SIRPG: variants seen among roughly 807,000 people sequenced by gnomAD.
The protein encoded by SIRPG is signal regulatory protein gamma, also known as signal-regulatory protein gamma.
Under a neutral mutation model 35.7 loss-of-function variants are expected in SIRPG, and 38 were observed. The ratio of observed to expected loss-of-function variants is 1.06; its 90% confidence interval spans 0.82 to 1.40. The LOEUF is 1.40. Ranked by LOEUF, SIRPG falls within the 40% of genes most tolerant of loss-of-function variation. The probability of loss-of-function intolerance (pLI) is 0.00; values close to 1 mark genes in which losing one functional copy is unlikely to be tolerated. For missense variants in SIRPG, 519 were observed against 483.0 expected, an observed-to-expected ratio of 1.07 and a Z score of -0.70; for synonymous variants, 215 against 190.4, an observed-to-expected ratio of 1.13 and a Z score of -1.06.
At position 1,630,283 on chromosome 20, in the gene SIRPG, G is replaced by A. The variant is rs1470078488; in HGVS notation, c.1105C>T (p.Leu369=). ...CCCAGGAGGACAGCTATGAGGAGCA[G>A]CGCAGTAAGGGATGATGCCGGGCCT... ...TPGPASSLTA[L]LLIAVLLGPI... The change falls in exon 5 of 6, where the codon CTG becomes TTG. Residue 369 remains leucine, a synonymous_variant. Coordinates refer to ENST00000303415, the MANE Select transcript of SIRPG (RefSeq NM_018556.4). 6 of 1,570,340 alleles carry A rather than the reference G, an allele frequency of 3.8e-6. No homozygotes were observed. The highest frequency in any genetic ancestry group is 1.3e-5 in the African/African-American group (1 of 74,184).
rs377562432 is a variant in SIRPG, at chr20:1,634,488, T to A, written c.1081+779A>T. ...TCCCAAAGTGCTGGGATTACAGGCGTGAGCCGCCAGGCCTGGTACAGTTTT... is the reference window on the plus strand; with the variant it reads ...TCCCAAAGTGCTGGGATTACAGGCGAGAGCCGCCAGGCCTGGTACAGTTTT... On this transcript the variant is annotated intron_variant, in intron 4 of 5. Transcript: ENST00000303415. Among the ~76,000 whole-genome samples the A allele has an allele frequency of 7.3e-5, 11 of 151,278 alleles. No homozygotes were observed. In the East Asian group the frequency reaches 7.9e-4, roughly 11 times the overall value.
In SIRPG at chr20:1,636,310, C is replaced by A; in HGVS notation, c.626G>T (p.Ser209Ile). ...GGGGTCCAGTACCACCCTGGCTGTG[C>A]TGCGGATGCTGTAGGCCACACTCTG... ...TGQSVAYSIR[S>I]TARVVLDPWD... Residue 209 changes from serine (S) to isoleucine (I), a missense_variant, in exon 3 of 6, where the codon AGC (serine) becomes ATC (isoleucine). Transcript: ENST00000303415. 1 of 1,614,226 alleles carries A rather than the reference C, an allele frequency of 6.2e-7. No homozygotes were observed. The highest frequency in any genetic ancestry group is 1.6e-4 in the Middle Eastern group (1 of 6,062).
intron 4 of SIRPG, among the ~76,000 whole-genome samples, chr20:1,631,866 G>C (rs548263060): frequency 6.6e-6 from 1 of 152,204 alleles, no homozygotes; most frequent in African/African-American, 2.4e-5. Flanking sequence ...GCTATCACTG[G>C]GCATATTTTT....
intron 4 of SIRPG, among the ~76,000 whole-genome samples, chr20:1,631,781 G>C (rs1203997877): frequency 2.0e-5 from 3 of 152,182 alleles, no homozygotes; most frequent in East Asian, 1.9e-4. Flanking sequence ...CGTAACCACA[G>C]GCAGGAAATT....
chr20:1,634,792 C>T lies in SIRPG; in HGVS notation c.1081+475G>A, dbSNP rs556286545. Among the ~76,000 whole-genome samples the T allele has an allele frequency of 1.6e-3, 240 of 151,994 alleles. 2 individuals carry two copies. The highest frequency in any genetic ancestry group is 9.4e-3 in the South Asian group (45 of 4,810). ...GGCGCGGTGGCTCACGCCTGTAATC[C>T]CAGCACTTTGGGAGGCTGAGGCGGG... On this transcript the variant is annotated intron_variant, in intron 4 of 5. Coordinates refer to ENST00000303415, the MANE Select transcript of SIRPG (RefSeq NM_018556.4).
chr20:1,668,183 CTTTCT>C, the SIRPG span, among the ~76,000 whole-genome samples: 44 of 54,024 alleles, frequency 8.1e-4, 1 homozygote, highest in African/African-American at 2.5e-3. Flanking sequence ...TTCTTTCTTT[CTTTCT>C]TTTTCTTTTC....
At chr20:1,634,212 T>G (rs1349057783) in intron 4 of SIRPG, among the ~76,000 whole-genome samples, 1 of 136,450 alleles carries the variant, frequency 7.3e-6, no homozygotes, top group African/African-American at 2.6e-5. Context: ...TGGTACAGTT[T>G]TTTTTTTTTT....
chr20:1,679,571 C>A, the SIRPG span, among the ~76,000 whole-genome samples: 2 of 152,074 alleles, frequency 1.3e-5, no homozygotes. Flanking sequence ...AAGCTCCTTC[C>A]ATATGGCTTC....
chr20:1,634,383 A>G (rs1199104726), intron 4 of SIRPG, among the ~76,000 whole-genome samples: 4 of 151,096 alleles, frequency 2.6e-5, no homozygotes, highest in African/African-American at 9.8e-5. Flanking sequence ...ATTTTTTTGT[A>G]TTTTTAGTAG....
At chr20:1,658,368 T>C (rs1213777297), upstream of SIRPG, among the ~76,000 whole-genome samples, 1 of 152,178 alleles carries the variant, frequency 6.6e-6, no homozygotes, top group Non-Finnish European at 1.5e-5. Context: ...GGGTTTGAGG[T>C]AATAAGCAAC....
chr20:1,672,225 A>G, the SIRPG span, among the ~76,000 whole-genome samples: 1 of 152,212 alleles, frequency 6.6e-6, no homozygotes, highest in African/African-American at 2.4e-5. Context: ...GATCAAACAC[A>G]GAGGATGCTT....
the SIRPG span, among the ~76,000 whole-genome samples, chr20:1,663,572 T>C: frequency 6.6e-6 from 1 of 152,236 alleles, no homozygotes; most frequent in African/African-American, 2.4e-5. Context: ...ACATTGGGAG[T>C]ATTTACACTA....
intron 1 of SIRPG, among the ~76,000 whole-genome samples, chr20:1,656,815 C>T (rs188126795): frequency 1.6e-3 from 246 of 152,280 alleles, no homozygotes; most frequent in Non-Finnish European, 3.2e-3. Flanking sequence ...CAATCCCCAG[C>T]GCCTTAGAAT....
At chr20:1,652,487 G>T (rs946636066) in intron 1 of SIRPG, among the ~76,000 whole-genome samples, 1 of 152,128 alleles carries the variant, frequency 6.6e-6, no homozygotes, top group Admixed American at 6.5e-5. Context: ...CATGTAAGAA[G>T]GATTATAAAC....
At chr20:1,652,502 A>C (rs1363167050) in intron 1 of SIRPG, among the ~76,000 whole-genome samples, 1 of 152,224 alleles carries the variant, frequency 6.6e-6, no homozygotes, top group Non-Finnish European at 1.5e-5. Context: ...ATAAACCATG[A>C]ACAAGTGGTA....
chr20:1,637,893 G>A (rs2091817285), intron 2 of SIRPG, among the ~76,000 whole-genome samples: 1 of 152,136 alleles, frequency 6.6e-6, no homozygotes, highest in Non-Finnish European at 1.5e-5. Context: ...TCCTAAACGT[G>A]TCTCCAAATT....
chr20:1,681,595 G>C, the SIRPG span, among the ~76,000 whole-genome samples: 3 of 152,210 alleles, frequency 2.0e-5, no homozygotes, highest in Non-Finnish European at 2.9e-5. Context: ...ACTTTGGAAG[G>C]CTGAGGTGGG....
chr20:1,635,469 C>T lies in SIRPG; in HGVS notation c.879G>A (p.Gln293=). The stretch of plus-strand genomic sequence containing the variant: ...CTGTAAGGGTCGAGGCTGTTTCTCT[C>T]TGGCACACGTTTCCATTCTCCGACC... The part of the protein sequence containing the change: ...LTWSENGNVC[Q]RETASTLTEN... Residue 293 remains glutamine (Q), a synonymous_variant, in exon 4 of 6, where the codon CAG becomes CAA. Transcript: ENST00000303415. 1 of 1,614,174 alleles carries T rather than the reference C, an allele frequency of 6.2e-7. No homozygotes were observed. The highest frequency in any genetic ancestry group is 8.5e-7 in the Non-Finnish European group (1 of 1,180,006).
Position 1,635,365 on chromosome 20 carries a change from G to A in SIRPG, c.983C>T (p.Thr328Ile). The change falls in exon 4 of 6, where the codon ACC (threonine) becomes ATC (isoleucine). Residue 328 changes from threonine (T) to isoleucine (I), a missense_variant. Physicochemically the swap from Thr to Ile is moderately conservative, Grantham distance 89. Transcript: ENST00000303415. ...ISDQRDDVVL[T>I]CQVKHDGQLA... The stretch of plus-strand genomic sequence containing the variant: ...CTGCCCATCATGCTTCACCTGGCAG[G>A]TGAGGACCACATCATCCCTTTGGTC... The A allele has an allele frequency of 5.6e-6, 9 of 1,614,198 alleles. No individual in the cohort carries two copies. Among genetic ancestry groups the A allele is most frequent in the Non-Finnish European group, 6.8e-6 (8 of 1,180,038 alleles).
Sources: gnomAD v4.1 joint callset for allele counts (sites outside exome capture counted in the v4.1 genomes callset) on GRCh38, gnomAD v4.1.1 for gene constraint, MANE v1.5 for transcripts, NCBI Gene and HGNC (gene_info 2026-07-23, HGNC 2026-07-21) for gene names.